Variants in SDK1 observed in about 807,000 individuals in gnomAD.
SDK1 encodes protein sidekick-1.
SDK1 carries 157 observed loss-of-function variants against 245.5 expected under a neutral mutation model. That is an observed-to-expected ratio of 0.64 (90% CI 0.56 to 0.73). The LOEUF is 0.73. Ranked by LOEUF, SDK1 falls within the 30% of genes least tolerant of loss-of-function variation. The probability of loss-of-function intolerance (pLI) is 0.00; values close to 1 mark genes in which losing one functional copy is unlikely to be tolerated. For missense variants in SDK1, 3,583 were observed against 3,002.3 expected, an observed-to-expected ratio of 1.19 and a Z score of -4.52; for synonymous variants, 1,647 against 1,278.5, an observed-to-expected ratio of 1.29 and a Z score of -6.15.
chr7:3,969,437 C>T lies in SDK1; in HGVS notation c.1714+13C>T, dbSNP rs748390160. ...CTCACTGTGTGGAGTAAGGAGCAGC[C>T]CTCGCACGTCGGCCTTCTGTTAGCC... On this transcript the variant is annotated intron_variant, in intron 11 of 44. Coordinates refer to ENST00000404826, the MANE Select transcript of SDK1 (RefSeq NM_152744.4). 1 of 1,524,680 alleles carries T rather than the reference C, an allele frequency of 6.6e-7. No homozygotes were observed. The highest frequency in any genetic ancestry group is 8.9e-7 in the Non-Finnish European group (1 of 1,128,956). The allele number at this position is 1,524,680 out of a possible 1,614,324, so 94.4% of individuals were successfully genotyped here.
At chr7:3,469,315 C>T (rs937753870) in intron 1 of SDK1, among the ~76,000 whole-genome samples, 4 of 152,060 alleles carry the variant, frequency 2.6e-5, no homozygotes, top group African/African-American at 7.2e-5. Flanking sequence ...CTTGTCGTCC[C>T]AGATACTTGG....
chr7:3,553,414 A>G (rs746303375), intron 1 of SDK1, among the ~76,000 whole-genome samples: 1 of 152,172 alleles, frequency 6.6e-6, no homozygotes, highest in Non-Finnish European at 1.5e-5. Flanking sequence ...AATGCAAGAA[A>G]CAGAAGGAGA....
At chr7:3,626,610 G>T (rs779147859) in intron 2 of SDK1, among the ~76,000 whole-genome samples, 1 of 152,156 alleles carries the variant, frequency 6.6e-6, no homozygotes, top group Non-Finnish European at 1.5e-5. Context: ...CTGGTCTTGC[G>T]AGTACTAAGA....
chr7:3,457,285 C>T (rs780212463), intron 1 of SDK1, among the ~76,000 whole-genome samples: 1 of 152,154 alleles, frequency 6.6e-6, no homozygotes, highest in Non-Finnish European at 1.5e-5. Flanking sequence ...CCTGCCATTA[C>T]GTTGTCCCTT....
intron 14 of SDK1, among the ~76,000 whole-genome samples, chr7:4,004,492 C>T (rs1172655505): frequency 1.3e-5 from 2 of 152,302 alleles, no homozygotes; most frequent in East Asian, 3.9e-4. Context: ...TTACATTTTT[C>T]ACCCACCAAT....
chr7:3,959,274 C>G (rs1781494545), intron 8 of SDK1, among the ~76,000 whole-genome samples: 1 of 152,118 alleles, frequency 6.6e-6, no homozygotes, highest in African/African-American at 2.4e-5. Flanking sequence ...CTACCCCAGA[C>G]AGAGAGGGGA....
At chr7:3,344,536 G>GT (rs879292162) in intron 1 of SDK1, among the ~76,000 whole-genome samples, 1 of 152,174 alleles carries the variant, frequency 6.6e-6, no homozygotes, top group Non-Finnish European at 1.5e-5. Context: ...ATTGTAGACA[G>GT]TTTATTTCCA....
intron 1 of SDK1, among the ~76,000 whole-genome samples, chr7:3,382,861 T>C (rs1781521121): frequency 6.6e-6 from 1 of 152,232 alleles, no homozygotes; most frequent in Admixed American, 6.5e-5. Flanking sequence ...TGGTTTTTAA[T>C]TCAGTAGATT....
At chr7:4,221,988 A>C (rs1785175408) in intron 40 of SDK1, among the ~76,000 whole-genome samples, 1 of 152,306 alleles carries the variant, frequency 6.6e-6, no homozygotes, top group South Asian at 2.1e-4. Context: ...GGTATCACCT[A>C]ACACAGAAAG....
chr7:3,451,440 A>AG (rs767861867), intron 1 of SDK1, among the ~76,000 whole-genome samples: 24 of 152,212 alleles, frequency 1.6e-4, no homozygotes, highest in Non-Finnish European at 3.2e-4. Context: ...TGGAGGGAAG[A>AG]GAGAGGGTCA....
At chr7:3,893,499 G>C (rs1781513990) in intron 5 of SDK1, among the ~76,000 whole-genome samples, 1 of 152,010 alleles carries the variant, frequency 6.6e-6, no homozygotes, top group South Asian at 2.1e-4. Flanking sequence ...TCAGGTACCT[G>C]AGCCTGCTTT....
chr7:3,612,293 A>T (rs1781618338), intron 1 of SDK1, among the ~76,000 whole-genome samples: 1 of 152,216 alleles, frequency 6.6e-6, no homozygotes, highest in Non-Finnish European at 1.5e-5. Flanking sequence ...CATAATGTGG[A>T]CCTGTCTATA....
At chr7:4,150,246 AGGGCCACCC>A (rs1022156575) in intron 30 of SDK1, among the ~76,000 whole-genome samples, 5 of 152,136 alleles carry the variant, frequency 3.3e-5, no homozygotes, top group African/African-American at 1.2e-4. Flanking sequence ...CTGCCTGGGC[AGGGCCACCC>A]GGGACACCCG....
intron 1 of SDK1, among the ~76,000 whole-genome samples, chr7:3,608,074 C>T (rs1017787228): frequency 2.6e-5 from 4 of 152,152 alleles, no homozygotes; most frequent in Non-Finnish European, 5.9e-5. Context: ...GCGCGTATCC[C>T]GAGGCAGTGG....
intron 5 of SDK1, among the ~76,000 whole-genome samples, chr7:3,947,477 A>T (rs73296627): frequency 0.03 from 4,489 of 150,918 alleles, 243 homozygotes; most frequent in African/African-American, 0.1. Flanking sequence ...TCTTCTACAG[A>T]TTTTTTTCAC....
chr7:4,000,308 G>A (rs903280700), intron 14 of SDK1, among the ~76,000 whole-genome samples: 6 of 152,178 alleles, frequency 3.9e-5, no homozygotes, highest in Non-Finnish European at 7.3e-5. Flanking sequence ...AGCATGGAAC[G>A]TTCTGGTGCC....
At chr7:3,377,070 C>A (rs893331294) in intron 1 of SDK1, among the ~76,000 whole-genome samples, 1 of 152,128 alleles carries the variant, frequency 6.6e-6, no homozygotes, top group East Asian at 1.9e-4. Context: ...TTTATTTTGG[C>A]AATTACTTTT....
intron 1 of SDK1, among the ~76,000 whole-genome samples, chr7:3,603,455 G>C (rs1472086402): frequency 6.6e-6 from 1 of 151,190 alleles, no homozygotes; most frequent in Non-Finnish European, 1.5e-5. Context: ...TTGTGAATGG[G>C]AGTTCACTCA....
chr7:3,774,749 G>A (rs908243055), intron 4 of SDK1, among the ~76,000 whole-genome samples: 3 of 152,128 alleles, frequency 2.0e-5, no homozygotes, highest in Admixed American at 6.5e-5. Context: ...GAATTTGGAG[G>A]TATTTTTCTA....
Sources: allele counts gnomAD v4.1 joint callset (sites outside exome capture counted in the v4.1 genomes callset), GRCh38; gene constraint gnomAD v4.1.1; transcripts MANE v1.5; gene names NCBI Gene and HGNC (gene_info 2026-07-23, HGNC 2026-07-21).